LAIR2: variants seen among roughly 807,000 people sequenced by gnomAD.
LAIR2 encodes the protein leukocyte associated immunoglobulin like receptor 2.
Under a neutral mutation model 14.8 loss-of-function variants are expected in LAIR2, and 14 were observed. That is an observed-to-expected ratio of 0.95 (90% CI 0.62 to 1.48). LAIR2 has a LOEUF of 1.48. Among genes scored for constraint, LAIR2 ranks in the 40% most tolerant of loss-of-function variants. The probability of loss-of-function intolerance (pLI) is 0.00; values close to 1 mark genes in which losing one functional copy is unlikely to be tolerated. For missense variants in LAIR2, 172 were observed against 180.9 expected (o/e 0.95, Z 0.28); for synonymous variants, 75 against 74.5 (o/e 1.01, Z -0.03).
At chr19:54,504,339 A>G (rs1280061451) in intron 2 of LAIR2, among the ~76,000 whole-genome samples, 1 of 152,218 alleles carries the variant, frequency 6.6e-6, no homozygotes, top group African/African-American at 2.4e-5. Flanking sequence ...GTATGTAAAC[A>G]TTGTGGAAAG....
intron 4 of LAIR2, among the ~76,000 whole-genome samples, chr19:54,509,757 A>C (rs1408209361): frequency 3.3e-5 from 5 of 151,406 alleles, no homozygotes; most frequent in Non-Finnish European, 7.4e-5. Flanking sequence ...CTGTGATGGG[A>C]GAGAAGCTGC....
At chr19:54,503,548 A>G (rs1232442239) in intron 1 of LAIR2, 152 bp from the exon 2 acceptor site, 1 of 910,060 alleles carries the variant, frequency 1.1e-6, no homozygotes. Flanking sequence ...TTGCAGCAAG[A>G]AGGATTACAT....
chr19:54,503,495 C>A (rs948867819), intron 1 of LAIR2, among the ~76,000 whole-genome samples: 3 of 152,060 alleles, frequency 2.0e-5, no homozygotes, highest in African/African-American at 7.2e-5. Flanking sequence ...GGAGCAGGAG[C>A]CTTTTTGGAA....
rs8102425 is a variant in LAIR2 at position 54,510,685 on chromosome 19, C to T, written c.*116C>T. Reference sequence around the variant, plus strand: ...TATACAAATAAAAAGATACGATTCGCAATGGAGAATTTCAGACCTATCATT... The same window carrying T: ...TATACAAATAAAAAGATACGATTCGTAATGGAGAATTTCAGACCTATCATT... On this transcript the variant is annotated 3_prime_UTR_variant, in exon 5 of 5. Transcript: ENST00000301202. 8,743 of 1,226,760 alleles carry T rather than the reference C, an allele frequency of 7.1e-3. 345 individuals carry two copies. The African/African-American group carries it at 0.1, about 14-fold the overall frequency. 76.0% of individuals were successfully genotyped at this position (1,226,760 alleles called of 1,614,324 possible).
Position 54,508,097 on chromosome 19 carries a change from G to T in LAIR2, c.277G>T (p.Glu93Ter), listed in dbSNP as rs1397525086. Reference protein sequence around the residue: ...EARFHIDSVSEGNAGLYRCLY... With the variant: ...EARFHIDSVS ...CAGATTCCACATTGACTCAGTAAGT[G>T]AAGGAAATGCCGGGCTTTATCGCTG... The change falls in exon 3 of 5, where the codon GAA (glutamate) becomes TAA (stop). Residue 93 changes from glutamate (E) to a stop codon, truncating the protein, a stop_gained. Transcript: ENST00000301202. LOFTEE classifies it high-confidence loss of function. 1 of 1,614,192 alleles carries T rather than the reference G, an allele frequency of 6.2e-7. No individual in the cohort carries two copies. Among genetic ancestry groups the T allele is most frequent in the South Asian group, 1.1e-5 (1 of 91,084 alleles).
chr19:54,503,482 G>A (rs993526496), intron 1 of LAIR2, among the ~76,000 whole-genome samples: 1 of 152,114 alleles, frequency 6.6e-6, no homozygotes, highest in African/African-American at 2.4e-5. Flanking sequence ...AAGAAGGGCT[G>A]GGGGAGCAGG....
rs143721995 is a variant in LAIR2 at position 54,502,999 on chromosome 19, T to C, written c.34+47T>C. 3,100 of 1,559,022 alleles carry C rather than the reference T, an allele frequency of 2.0e-3. 75 individuals are homozygous for C. The Admixed American group carries it at 0.042, about 21-fold the overall frequency. The stretch of plus-strand genomic sequence containing the variant: ...AAGGACTGGAAAGGGGGTCGGGAGG[T>C]CTGGAAAGTTCCCTGCTCAAGCCTG... On this transcript the variant is annotated intron_variant, in intron 1 of 4. Transcript: ENST00000301202.
intron 2 of LAIR2, among the ~76,000 whole-genome samples, chr19:54,504,476 C>G (rs956274221): frequency 2.0e-5 from 3 of 150,508 alleles, no homozygotes; most frequent in Admixed American, 2.0e-4. Flanking sequence ...GCCTGCTATG[C>G]AATAGATCTC....
At chr19:54,509,949 C>G (rs932114241) in intron 4 of LAIR2, among the ~76,000 whole-genome samples, 12 of 149,150 alleles carry the variant, frequency 8.0e-5, no homozygotes, top group Non-Finnish European at 1.8e-4. Context: ...CGTCCTTGGA[C>G]CTAGACCCGG....
At position 54,507,972 on chromosome 19, in the gene LAIR2, GC is replaced by G; in HGVS notation, c.155del (p.Pro52ArgfsTer40). The G allele has an allele frequency of 1.2e-6, 2 of 1,614,172 alleles. No individual in the cohort carries two copies. The highest frequency in any genetic ancestry group is 2.2e-5 in the East Asian group (1 of 44,884). ...PGSHVTFMCRGPVGVQTFRLE... is the reference protein window; with the variant it reads ...PGSHVTFMCRXPVGVQTFRLE... The stretch of plus-strand genomic sequence containing the variant: ...AGCCATGTGACTTTCATGTGCCGGG[GC>G]CCGGTTGGGGTTCAAACATTCCGCC... On this transcript the variant is annotated frameshift_variant, in exon 3 of 5. Transcript: ENST00000301202. LOFTEE classifies it high-confidence loss of function.
In LAIR2 at chr19:54,504,415, C is replaced by T. The variant is rs191237575; in HGVS notation, c.70+680C>T. On this transcript the variant is annotated intron_variant, in intron 2 of 4. Coordinates refer to ENST00000301202, the MANE Select transcript of LAIR2 (RefSeq NM_002288.6). The stretch of plus-strand genomic sequence containing the variant: ...TTATTGTGATGAGAACATTTAAAAC[C>T]TACTTTTAGCAATTTTGAAATATAT... 9.2e-5 allele frequency among the ~76,000 whole-genome samples: 14 copies of T among 152,144 alleles called. No individual in the cohort carries two copies. The East Asian group carries it at 2.7e-3, about 29-fold the overall frequency.
intron 2 of LAIR2, among the ~76,000 whole-genome samples, chr19:54,505,432 G>A (rs975940826): frequency 6.6e-6 from 1 of 151,888 alleles, no homozygotes; most frequent in African/African-American, 2.4e-5. Context: ...ATCACCCCCA[G>A]GTGACAGCCC....
chr19:54,508,143 G>C lies in LAIR2; in HGVS notation c.323G>C (p.Gly108Ala). The C allele has an allele frequency of 6.2e-7, 1 of 1,613,848 alleles. No individual in the cohort carries two copies. Among genetic ancestry groups the C allele is most frequent in the Non-Finnish European group, 8.5e-7 (1 of 1,180,002 alleles). Reference protein sequence around the residue: ...LYRCLYYKPPGWSEHSDFLEL... With the variant: ...LYRCLYYKPPAWSEHSDFLEL... Reference sequence around the variant, plus strand: ...CGCTGCCTCTATTATAAGCCCCCTGGATGGTCTGAGCACAGTGACTTCCTG... The same window carrying C: ...CGCTGCCTCTATTATAAGCCCCCTGCATGGTCTGAGCACAGTGACTTCCTG... The change falls in exon 3 of 5, where the codon GGA (glycine) becomes GCA (alanine). Residue 108 changes from glycine to alanine, a missense_variant. Gly to Ala is a moderately conservative substitution (Grantham distance 60). Coordinates refer to ENST00000301202, the MANE Select transcript of LAIR2 (RefSeq NM_002288.6).
At chr19:54,505,266 G>A (rs1046879299) in intron 2 of LAIR2, among the ~76,000 whole-genome samples, 20 of 151,994 alleles carry the variant, frequency 1.3e-4, no homozygotes, top group Non-Finnish European at 5.9e-5. Flanking sequence ...CACTTCACTC[G>A]GCAGCTTCTT....
intron 2 of LAIR2, among the ~76,000 whole-genome samples, chr19:54,506,567 T>C (rs1396727791): frequency 6.6e-6 from 1 of 152,138 alleles, no homozygotes; most frequent in Non-Finnish European, 1.5e-5. Context: ...CCTAGATCCC[T>C]GCACACTTAC....
chr19:54,508,232 G>A, intron 3 of LAIR2, 48 bp downstream of exon 3: 2 of 1,566,008 alleles, frequency 1.3e-6, no homozygotes, highest in Non-Finnish European at 1.7e-6. Flanking sequence ...CGACCCTCGA[G>A]CTTGTCCCGA....
chr19:54,510,319 CT>C (rs1461640660), intron 4 of LAIR2, among the ~76,000 whole-genome samples: 4 of 151,252 alleles, frequency 2.6e-5, no homozygotes, highest in Admixed American at 2.6e-4. Context: ...CTGCCACCCC[CT>C]GGCTCTATGC....
At position 54,508,678 on chromosome 19, in the gene LAIR2, A is replaced by C. The variant is rs1421422681; in HGVS notation, c.365-357A>C. Among the ~76,000 whole-genome samples the C allele has an allele frequency of 2.6e-5, 4 of 152,256 alleles. No homozygotes were observed. In the South Asian group the frequency reaches 8.3e-4, roughly 32 times the overall value. On this transcript the variant is annotated intron_variant, in intron 3 of 4. Transcript: ENST00000301202. ...CCAGGGCGGGACAGTGCTTTGGGAA[A>C]ACCTTTGGTATGTGACCACATGCAC...
intron 2 of LAIR2, among the ~76,000 whole-genome samples, chr19:54,504,757 A>C (rs1014923763): frequency 3.9e-5 from 6 of 152,028 alleles, no homozygotes; most frequent in South Asian, 2.1e-4. Context: ...TTACAGGTGC[A>C]TGCCACCACG....
Sources: allele counts gnomAD v4.1 joint callset (sites outside exome capture counted in the v4.1 genomes callset), GRCh38; gene constraint gnomAD v4.1.1; transcripts MANE v1.5; gene names NCBI Gene and HGNC (gene_info 2026-07-23, HGNC 2026-07-21).